KIF15: variants seen among roughly 807,000 people sequenced by gnomAD.
The protein encoded by KIF15 is kinesin-like protein KIF15.
Under a neutral mutation model 190.6 loss-of-function variants are expected in KIF15, and 140 were observed. That is an observed-to-expected ratio of 0.73 (90% confidence interval 0.64 to 0.84). The LOEUF is 0.84. Among genes scored for constraint, KIF15 ranks in the 40% least tolerant of loss-of-function variants. KIF15 has a pLI of 0.00. For missense variants in KIF15, 1,372 were observed against 1,584.4 expected (o/e 0.87, Z 2.28); for synonymous variants, 528 against 551.3 (o/e 0.96, Z 0.59).
chr3:44,861,947 C>A, intron 6 of KIF15: 2 of 1,407,340 alleles, frequency 1.4e-6, no homozygotes, highest in South Asian at 1.5e-5. Context: ...CCGGGGCCTC[C>A]GGGCGGCGCC....
At chr3:44,835,466 T>C (rs1236355298) in intron 26 of KIF15, among the ~76,000 whole-genome samples, 1 of 152,038 alleles carries the variant, frequency 6.6e-6, no homozygotes, top group Non-Finnish European at 1.5e-5. Context: ...GGTCTCGAAC[T>C]CCTAAACCCA....
At chr3:44,862,303 T>A (rs1164899811) in intron 6 of KIF15, 1 of 208,812 alleles carries the variant, frequency 4.8e-6, no homozygotes, top group Non-Finnish European at 8.4e-6. Context: ...TGCGGTCAGC[T>A]GGGGTGGCAG....
Position 44,863,303 on chromosome 3 carries a change from C to CCCA in KIF15, c.*60-10024_*60-10023insACC, listed in dbSNP as rs1553668736. ...AATAAGTATATTTAGATTCCGCACC[C>CCCA]CCCCCCCCCGCCGCCTTGTCTCCAG... On this transcript the variant is annotated intron_variant and NMD_transcript_variant, in intron 6 of 6. Coordinates refer to the KIF15 transcript ENST00000422209. The CCCA allele has an allele frequency of 5.2e-5, 5 of 95,470 alleles. 1 individual carries two copies. The highest frequency in any genetic ancestry group is 7.6e-4 in the South Asian group (1 of 1,322). The allele number at this position is 95,470 out of a possible 1,614,324, so 5.9% of individuals were successfully genotyped here.
intron 6 of KIF15, among the ~76,000 whole-genome samples, chr3:44,866,045 G>T (rs1420272442): frequency 1.0e-4 from 15 of 147,492 alleles, no homozygotes; most frequent in Middle Eastern, 3.5e-3. Flanking sequence ...TTCCCCTTTG[G>T]TTTTTTTTTG....
intron 6 of KIF15, among the ~76,000 whole-genome samples, chr3:44,861,237 C>G (rs986350728): frequency 6.6e-6 from 1 of 151,634 alleles, no homozygotes; most frequent in African/African-American, 2.4e-5. Context: ...GTGATCCACC[C>G]GCCTCGGCCT....
downstream of KIF15, among the ~76,000 whole-genome samples, chr3:44,854,136 G>T (rs1575697850): frequency 6.6e-6 from 1 of 152,294 alleles, no homozygotes; most frequent in East Asian, 1.9e-4. Flanking sequence ...TGTAATCCCA[G>T]CACTTTGGGA....
intron 1 of KIF15, chr3:44,765,987 C>A: frequency 6.3e-6 from 1 of 159,368 alleles, no homozygotes; most frequent in Non-Finnish European, 1.4e-5. Flanking sequence ...CATGTGCCAC[C>A]ATGCCCAGCT....
In KIF15 at chr3:44,851,886, C is replaced by T. The variant is rs777096913; in HGVS notation, c.3906C>T (p.Phe1302=). ...CCCAAACTTTGGAGTCTAAAGCATT[C>T]CAGGAAAAAGAACAACTGAGATCAA... ...ERTQTLESKA[F]QEKEQLRSKL... The change falls in exon 33 of 35, where the codon TTC becomes TTT. Residue 1302 remains phenylalanine, a synonymous_variant. Transcript: ENST00000326047. 1.2e-6 allele frequency: 2 copies of T among 1,613,666 alleles called. No homozygotes were observed. Among genetic ancestry groups the T allele is most frequent in the South Asian group, 1.1e-5 (1 of 91,052 alleles).
At chr3:44,854,357 C>T (rs1022847679), downstream of KIF15, among the ~76,000 whole-genome samples, 4 of 149,808 alleles carry the variant, frequency 2.7e-5, no homozygotes, top group Non-Finnish European at 5.9e-5. Context: ...TACACTCCAG[C>T]CTGGGCAACA....
chr3:44,835,121 A>T (rs1466128757), intron 26 of KIF15, among the ~76,000 whole-genome samples: 2 of 152,070 alleles, frequency 1.3e-5, no homozygotes, highest in Non-Finnish European at 2.9e-5. Context: ...AAGAACATAA[A>T]ACTTTACAAG....
chr3:44,866,185 G>C (rs548483673), intron 6 of KIF15, among the ~76,000 whole-genome samples: 56 of 151,170 alleles, frequency 3.7e-4, no homozygotes, highest in African/African-American at 1.3e-3. Context: ...CCATTCTCCT[G>C]CCTCAGCTTC....
Position 44,801,726 on chromosome 3 carries a change from T to C in KIF15, c.1300-39T>C, listed in dbSNP as rs1707286014. 4.5e-6 allele frequency: 6 copies of C among 1,318,688 alleles called. No individual in the cohort carries two copies. The Admixed American group carries it at 1.1e-4, about 23-fold the overall frequency. 81.7% of individuals were successfully genotyped at this position (1,318,688 alleles called of 1,614,324 possible). ...CTTACGAAAATTTAGGGAAGTCAAA[T>C]TATTTTTCATGTTTAACCAAATTAT... On this transcript the variant is annotated intron_variant, in intron 12 of 34. Transcript: ENST00000326047.
intron 20 of KIF15, 110 bp downstream of exon 20, chr3:44,815,186 G>T: frequency 1.0e-6 from 1 of 978,144 alleles, no homozygotes; most frequent in Non-Finnish European, 1.4e-6. Flanking sequence ...AAATAAAAAA[G>T]ATAATTTATT....
At chr3:44,805,808 T>TA (rs746075210) in intron 15 of KIF15, 37 bp from the exon 16 acceptor site, 11 of 1,578,658 alleles carry the variant, frequency 7.0e-6, no homozygotes, top group Non-Finnish European at 9.5e-6. Context: ...TGACATTACT[T>TA]ATTACCTGAA....
chr3:44,859,468 C>A (rs944591707), intron 6 of KIF15, among the ~76,000 whole-genome samples: 1 of 152,050 alleles, frequency 6.6e-6, no homozygotes, highest in Admixed American at 6.6e-5. Flanking sequence ...GGTTCAAGAC[C>A]AGCCTGGGCC....
At chr3:44,813,969 G>GA (rs2125662624) in intron 19 of KIF15, among the ~76,000 whole-genome samples, 1 of 152,262 alleles carries the variant, frequency 6.6e-6, no homozygotes, top group Non-Finnish European at 1.5e-5. Context: ...TTGAATTCAT[G>GA]AATGTTTTAA....
intron 1 of KIF15, among the ~76,000 whole-genome samples, chr3:44,765,641 T>C (rs944698342): frequency 6.6e-6 from 1 of 152,232 alleles, no homozygotes; most frequent in Non-Finnish European, 1.5e-5. Flanking sequence ...TCTTGCTCCA[T>C]TGAAGGAGTA....
chr3:44,780,876 T>A lies in KIF15; in HGVS notation c.324-9T>A, dbSNP rs1706130216. ...TGTGTAAAAATAATATGTAAAACATTTTTTACAGTGGACAGACTGGCTCAG... is the reference window on the plus strand; with the variant it reads ...TGTGTAAAAATAATATGTAAAACATATTTTACAGTGGACAGACTGGCTCAG... On this transcript the variant is annotated splice_polypyrimidine_tract_variant and intron_variant, in intron 4 of 34. Transcript: ENST00000326047. The A allele has an allele frequency of 1.9e-6, 3 of 1,575,032 alleles. No homozygotes were observed. The highest frequency in any genetic ancestry group is 2.6e-6 in the Non-Finnish European group (3 of 1,153,110).
At chr3:44,831,879 T>C (rs1344193828) in intron 26 of KIF15, among the ~76,000 whole-genome samples, 1 of 152,188 alleles carries the variant, frequency 6.6e-6, no homozygotes, top group Admixed American at 6.5e-5. Flanking sequence ...GTATAAATTG[T>C]TCTATATTTG....
Sources: gnomAD v4.1 joint callset for allele counts (sites outside exome capture counted in the v4.1 genomes callset) on GRCh38, gnomAD v4.1.1 for gene constraint, MANE v1.5 for transcripts, NCBI Gene and HGNC (gene_info 2026-07-23, HGNC 2026-07-21) for gene names.